The following TAFA2 variants were observed in gnomAD, a reference collection of about 807,000 sequenced individuals.
TAFA2 encodes the protein chemokine-like protein TAFA-2.
TAFA2 carries 7 observed loss-of-function variants against 18.8 expected under a neutral mutation model. The observed-to-expected ratio is 0.37, with a 90% CI of 0.21 to 0.70. The LOEUF is 0.70. Among genes scored for constraint, TAFA2 ranks in the 30% least tolerant of loss-of-function variants. TAFA2 has a pLI of 0.53. For synonymous variants in TAFA2, 60 were observed against 54.2 expected (o/e 1.11, Z -0.47); for missense variants, 122 against 158.1 (o/e 0.77, Z 1.23).
chr12:62,047,768 G>A (rs933128624), intron 1 of TAFA2, among the ~76,000 whole-genome samples: 9 of 152,068 alleles, frequency 5.9e-5, no homozygotes, highest in Admixed American at 5.9e-4. Context: ...AACCTTTTGT[G>A]CCTACCTCAG....
At chr12:62,225,938 G>A (rs1277228930) in intron 1 of TAFA2, among the ~76,000 whole-genome samples, 2 of 152,186 alleles carry the variant, frequency 1.3e-5, no homozygotes, top group Non-Finnish European at 2.9e-5. Context: ...TCCAAAGTAT[G>A]TGCATTTTGA....
chr12:62,142,140 A>G (rs909474359), intron 1 of TAFA2, among the ~76,000 whole-genome samples: 11 of 152,288 alleles, frequency 7.2e-5, no homozygotes, highest in African/African-American at 2.6e-4. Flanking sequence ...GTAACTTGCC[A>G]CTTTATAAGC....
chr12:62,017,453 C>T (rs1485211408), intron 1 of TAFA2, among the ~76,000 whole-genome samples: 2 of 152,104 alleles, frequency 1.3e-5, no homozygotes, highest in Non-Finnish European at 2.9e-5. Flanking sequence ...GCAGCTACTG[C>T]AATACGCACA....
intron 1 of TAFA2, among the ~76,000 whole-genome samples, chr12:62,178,400 G>A (rs961987994): frequency 3.9e-5 from 6 of 152,170 alleles, no homozygotes; most frequent in Non-Finnish European, 8.8e-5. Flanking sequence ...TCTTAGAGTA[G>A]CTATTATAGC....
intron 1 of TAFA2, among the ~76,000 whole-genome samples, chr12:62,094,640 G>T (rs1868865456): frequency 6.6e-6 from 1 of 151,700 alleles, no homozygotes; most frequent in Non-Finnish European, 1.5e-5. Flanking sequence ...GGCTAACATT[G>T]AATGCTTACT....
At chr12:62,173,629 A>G (rs186320520) in intron 1 of TAFA2, among the ~76,000 whole-genome samples, 78 of 152,294 alleles carry the variant, frequency 5.1e-4, no homozygotes, top group African/African-American at 1.9e-3. Flanking sequence ...TATCTCCCAC[A>G]TGCCATGGAT....
At chr12:62,040,813 T>C (rs1470428818) in intron 1 of TAFA2, among the ~76,000 whole-genome samples, 1 of 152,134 alleles carries the variant, frequency 6.6e-6, no homozygotes, top group Non-Finnish European at 1.5e-5. Flanking sequence ...TGCTATACCA[T>C]AGGACTGAAG....
chr12:61,979,998 T>A (rs1343130865), intron 1 of TAFA2, among the ~76,000 whole-genome samples: 1 of 152,196 alleles, frequency 6.6e-6, no homozygotes, highest in Non-Finnish European at 1.5e-5. Context: ...AATATACTTA[T>A]TCTGATATAA....
intron 1 of TAFA2, among the ~76,000 whole-genome samples, chr12:61,916,018 A>T (rs187441088): frequency 1.2e-4 from 18 of 152,286 alleles, no homozygotes; most frequent in Non-Finnish European, 1.8e-4. Context: ...AGGTATTTTC[A>T]AATACTAGAG....
At chr12:62,151,568 C>T (rs182988401) in intron 1 of TAFA2, among the ~76,000 whole-genome samples, 33 of 152,266 alleles carry the variant, frequency 2.2e-4, no homozygotes, top group East Asian at 7.7e-4. Context: ...TACTTTATGA[C>T]GAGACTTTAG....
At chr12:62,021,496 TACA>T in intron 1 of TAFA2, 1 of 574,544 alleles carries the variant, frequency 1.7e-6, no homozygotes, top group Non-Finnish European at 3.3e-6. Flanking sequence ...TCTGTCTTTG[TACA>T]ATATTTTATT....
intron 1 of TAFA2, among the ~76,000 whole-genome samples, chr12:61,870,971 G>C (rs1019113583): frequency 6.6e-6 from 1 of 152,134 alleles, no homozygotes; most frequent in Non-Finnish European, 1.5e-5. Flanking sequence ...TTCATCCAAA[G>C]TCCAGCTTAA....
intron 1 of TAFA2, among the ~76,000 whole-genome samples, chr12:62,088,411 G>A (rs188117224): frequency 1.4e-4 from 21 of 152,076 alleles, no homozygotes; most frequent in African/African-American, 4.8e-4. Context: ...GGAGACAGCA[G>A]CACGTACAGG....
At chr12:61,789,114 T>C (rs1176512567) in intron 2 of TAFA2, among the ~76,000 whole-genome samples, 1 of 151,908 alleles carries the variant, frequency 6.6e-6, no homozygotes, top group African/African-American at 2.4e-5. Flanking sequence ...CTGATGATAG[T>C]TTCTTTTCCT....
intron 4 of TAFA2, among the ~76,000 whole-genome samples, chr12:61,739,281 A>C (rs759159918): frequency 6.6e-6 from 1 of 151,994 alleles, no homozygotes; most frequent in African/African-American, 2.4e-5. Context: ...TGCAATGTTG[A>C]GGTAACATTG....
chr12:61,950,112 G>A (rs1878414307), intron 1 of TAFA2, among the ~76,000 whole-genome samples: 2 of 152,026 alleles, frequency 1.3e-5, no homozygotes, highest in Admixed American at 1.3e-4. Flanking sequence ...TCCTTTTTAA[G>A]GCTGAATGAT....
At chr12:62,023,328 A>G (rs1279462390) in intron 1 of TAFA2, among the ~76,000 whole-genome samples, 2 of 150,454 alleles carry the variant, frequency 1.3e-5, no homozygotes, top group African/African-American at 4.9e-5. Flanking sequence ...GATTTATGCT[A>G]TAAAAGGTGC....
rs576490764 is a variant in TAFA2 at position 62,222,570 on chromosome 12, C to T, written c.-130+36193G>A. ...TCGCCCAGGCTGGAGTGCCGTGATG[C>T]GATCTCGGCTCAGTGCAAGCTCCAC... is the stretch of plus-strand genomic sequence containing the variant. On this transcript the variant is annotated intron_variant, in intron 1 of 5. Transcript: ENST00000551619. Among the ~76,000 whole-genome samples the T allele has an allele frequency of 7.9e-5, 12 of 151,962 alleles. 1 individual carries two copies. In the South Asian group the frequency reaches 1.9e-3, roughly 24 times the overall value.
intron 1 of TAFA2, among the ~76,000 whole-genome samples, chr12:61,898,246 C>T (rs1565673461): frequency 6.6e-6 from 1 of 152,198 alleles, no homozygotes; most frequent in East Asian, 1.9e-4. Context: ...GCATCTTTTC[C>T]AGATGCATGG....
Sources: gnomAD v4.1 joint callset for allele counts (sites outside exome capture counted in the v4.1 genomes callset) on GRCh38, gnomAD v4.1.1 for gene constraint, MANE v1.5 for transcripts, NCBI Gene and HGNC (gene_info 2026-07-23, HGNC 2026-07-21) for gene names.